Variants in SHISA9 observed in about 807,000 individuals in gnomAD.
The protein encoded by SHISA9 is shisa family member 9, also known as protein shisa-9.
Under a neutral mutation model 38.0 loss-of-function variants are expected in SHISA9, and 13 were observed. That is an observed-to-expected ratio of 0.34 (90% CI 0.22 to 0.54). The LOEUF is 0.54. Among genes scored for constraint, SHISA9 ranks in the 20% least tolerant of loss-of-function variants. The pLI is 0.91. For missense variants in SHISA9, 538 were observed against 575.8 expected (o/e 0.93, Z 0.67); for synonymous variants, 275 against 242.0 (o/e 1.14, Z -1.27).
intron 2 of SHISA9, among the ~76,000 whole-genome samples, chr16:13,176,884 A>G (rs777216704): frequency 2.0e-4 from 30 of 152,138 alleles, no homozygotes; most frequent in Admixed American, 1.2e-3. Flanking sequence ...TGTTGAGACA[A>G]TAATGAAGCC....
chr16:13,101,414 A>C (rs436054), intron 2 of SHISA9, among the ~76,000 whole-genome samples: 34,934 of 152,168 alleles, frequency 0.23, 4,253 homozygotes, highest in Non-Finnish European at 0.27. Flanking sequence ...TTCAATCATA[A>C]CTCATTAAGT....
chr16:13,388,333 A>G, the SHISA9 span, among the ~76,000 whole-genome samples: 1 of 147,686 alleles, frequency 6.8e-6, no homozygotes, highest in East Asian at 2.0e-4. Context: ...TTTTTTTAAG[A>G]CAGAGTCTCA....
the SHISA9 span, among the ~76,000 whole-genome samples, chr16:13,548,329 G>A: frequency 6.6e-6 from 1 of 152,128 alleles, no homozygotes; most frequent in Non-Finnish European, 1.5e-5. Flanking sequence ...GACCTAAAAA[G>A]CATAGGCAAT....
the SHISA9 span, among the ~76,000 whole-genome samples, chr16:13,427,072 A>G: frequency 6.6e-6 from 1 of 152,222 alleles, no homozygotes; most frequent in East Asian, 1.9e-4. Context: ...ATGTTTTATC[A>G]GGAACTTTCC....
the SHISA9 span, among the ~76,000 whole-genome samples, chr16:13,389,209 G>C: frequency 1.3e-5 from 2 of 152,096 alleles, no homozygotes; most frequent in African/African-American, 4.8e-5. Flanking sequence ...AAAATCCTCT[G>C]TCCTCCACTT....
At chr16:13,544,288 G>C in the SHISA9 span, among the ~76,000 whole-genome samples, 30 of 148,514 alleles carry the variant, frequency 2.0e-4, no homozygotes, top group East Asian at 5.6e-3. Context: ...ATATCTTATA[G>C]ATAAGGAAAC....
rs1322264883 is a variant in SHISA9, at chr16:13,037,113, C to CAG, written c.691+120299_691+120300insGA. 6.7e-5 allele frequency among the ~76,000 whole-genome samples: 6 copies of CAG among 90,090 alleles called. 1 individual carries two copies. The highest frequency in any genetic ancestry group is 4.0e-4 in the Admixed American group (4 of 10,056). The allele number at this position is 90,090 out of a possible 152,430, so 59.1% of individuals were successfully genotyped here. ...CCACACACACACACACACACAGACA[C>CAG]ACACACACACACACACACACACACA... On this transcript the variant is annotated intron_variant, in intron 2 of 4. Transcript: ENST00000558583.
intron 3 of SHISA9, among the ~76,000 whole-genome samples, chr16:13,210,738 C>G (rs2051111048): frequency 6.6e-6 from 1 of 152,198 alleles, no homozygotes; most frequent in Admixed American, 6.5e-5. Context: ...ATCAGTACCC[C>G]CCGTTTTGCA....
At chr16:13,398,211 A>T in the SHISA9 span, among the ~76,000 whole-genome samples, 3,088 of 152,182 alleles carry the variant, frequency 0.02, 116 homozygotes, top group African/African-American at 0.071. Context: ...TTTGGGCAGG[A>T]AAACAGAAAT....
intron 2 of SHISA9, among the ~76,000 whole-genome samples, chr16:13,007,482 CTAAT>C (rs1345020753): frequency 1.3e-5 from 2 of 152,190 alleles, no homozygotes; most frequent in African/African-American, 4.8e-5. Context: ...TCCCTTCCAA[CTAAT>C]CTATCCACTG....
chr16:13,222,738 C>T (rs553798428), intron 4 of SHISA9, among the ~76,000 whole-genome samples: 4 of 151,770 alleles, frequency 2.6e-5, no homozygotes, highest in Admixed American at 1.3e-4. Flanking sequence ...TCTGAGTTTT[C>T]GCAAGCCTTG....
At chr16:13,324,677 G>T in the SHISA9 span, among the ~76,000 whole-genome samples, 2 of 152,146 alleles carry the variant, frequency 1.3e-5, no homozygotes, top group Non-Finnish European at 2.9e-5. Flanking sequence ...AAAAGTATCT[G>T]AGGCAGTATC....
At chr16:12,921,577 TAAG>T (rs2071329278) in intron 2 of SHISA9, among the ~76,000 whole-genome samples, 2 of 152,004 alleles carry the variant, frequency 1.3e-5, no homozygotes, top group East Asian at 3.9e-4. Context: ...GCCTGGGCAA[TAAG>T]ATGAGACCCT....
the SHISA9 span, among the ~76,000 whole-genome samples, chr16:13,275,199 G>A: frequency 6.6e-6 from 1 of 152,066 alleles, no homozygotes; most frequent in African/African-American, 2.4e-5. Flanking sequence ...ACATAATGAG[G>A]TTATTTATAT....
chr16:13,482,501 A>G, the SHISA9 span, among the ~76,000 whole-genome samples: 2 of 152,172 alleles, frequency 1.3e-5, no homozygotes, highest in African/African-American at 4.8e-5. Context: ...TCTTAAAGAG[A>G]TTAAGAGACA....
chr16:13,040,583 G>C (rs2073122052), intron 2 of SHISA9, among the ~76,000 whole-genome samples: 1 of 152,078 alleles, frequency 6.6e-6, no homozygotes, highest in Non-Finnish European at 1.5e-5. Context: ...GGCCTGACTT[G>C]CTTATTAGAA....
intron 2 of SHISA9, among the ~76,000 whole-genome samples, chr16:13,160,161 G>C (rs1178674219): frequency 6.6e-6 from 1 of 152,192 alleles, no homozygotes; most frequent in South Asian, 2.1e-4. Context: ...GAGAGTTCCA[G>C]GTGGAAGGAA....
At chr16:13,527,735 A>G in the SHISA9 span, among the ~76,000 whole-genome samples, 2 of 152,208 alleles carry the variant, frequency 1.3e-5, no homozygotes, top group African/African-American at 4.8e-5. Flanking sequence ...GAGAAACCTC[A>G]GTATCTTATA....
At chr16:13,186,649 C>T (rs1406509829) in intron 2 of SHISA9, among the ~76,000 whole-genome samples, 1 of 152,134 alleles carries the variant, frequency 6.6e-6, no homozygotes, top group Non-Finnish European at 1.5e-5. Flanking sequence ...AGTACATTCG[C>T]ATTGTTGTGC....
Sources: gnomAD v4.1 joint callset for allele counts (sites outside exome capture counted in the v4.1 genomes callset) on GRCh38, gnomAD v4.1.1 for gene constraint, MANE v1.5 for transcripts, NCBI Gene and HGNC (gene_info 2026-07-23, HGNC 2026-07-21) for gene names.